WDR41: variants seen among roughly 807,000 people sequenced by gnomAD.
The protein encoded by WDR41 is WD repeat-containing protein 41.
In WDR41, 63 loss-of-function variants were observed where a neutral mutation model predicts 69.3. That is an observed-to-expected ratio of 0.91 (90% CI 0.74 to 1.12). The LOEUF (loss-of-function observed/expected upper bound fraction) is 1.12, where lower values mean the gene tolerates loss of function less well. Ranked by LOEUF, WDR41 falls within the 50% of genes most tolerant of loss-of-function variation. The pLI, the probability that WDR41 is intolerant of heterozygous loss-of-function variation, is 0.00. For synonymous variants in WDR41, 185 were observed against 192.1 expected (o/e 0.96, Z 0.31); for missense variants, 543 against 534.5 (o/e 1.02, Z -0.16).
chr5:77,512,242 C>G (rs909780116), intron 1 of WDR41, among the ~76,000 whole-genome samples: 2 of 151,662 alleles, frequency 1.3e-5, no homozygotes, highest in Non-Finnish European at 2.9e-5. Context: ...TAGGGAGCAG[C>G]CTGGACACAA....
chr5:77,611,663 G>C (rs1744554848), intron 1 of WDR41, among the ~76,000 whole-genome samples: 1 of 152,238 alleles, frequency 6.6e-6, no homozygotes, highest in Non-Finnish European at 1.5e-5. Flanking sequence ...GAAATTTATA[G>C]CACTAAATGC....
intron 1 of WDR41, among the ~76,000 whole-genome samples, chr5:77,551,760 C>T (rs560039823): frequency 6.6e-6 from 1 of 151,378 alleles, no homozygotes; most frequent in South Asian, 2.1e-4. Context: ...GGTGGATCAC[C>T]TGAGGTCAGG....
In WDR41 at chr5:77,430,965, TAGATG is replaced by T. The variant is rs1798699991; in HGVS notation, c.*2165_*2169del. ...CTGTAATCTCATGATCAAACTTTAA[TAGATG>T]AGAAGTTGCTTAAGAATGTGTATAG... On this transcript the variant is annotated 3_prime_UTR_variant, in exon 13 of 13. Transcript: ENST00000296679. 1 of 152,154 alleles carries T rather than the reference TAGATG, an allele frequency of 6.6e-6. No individual in the cohort carries two copies. Among genetic ancestry groups the T allele is most frequent in the African/African-American group, 2.4e-5 (1 of 41,438 alleles). The allele number at this position is 152,154 out of a possible 1,614,324, so 9.4% of individuals were successfully genotyped here. A position where few individuals can be genotyped will look rare whatever the true frequency, so the allele number is the denominator to read the frequency against.
At chr5:77,479,304 C>T (rs978957664) in intron 2 of WDR41, among the ~76,000 whole-genome samples, 4 of 151,810 alleles carry the variant, frequency 2.6e-5, no homozygotes, top group Non-Finnish European at 5.9e-5. Context: ...ACTTTCTTCA[C>T]AGAATTGGAA....
chr5:77,472,957 T>G (rs1414629738), intron 2 of WDR41, among the ~76,000 whole-genome samples: 1 of 152,024 alleles, frequency 6.6e-6, no homozygotes, highest in African/African-American at 2.4e-5. Context: ...CAGCCCGCAT[T>G]GCCAAGTCAG....
chr5:77,517,408 AC>A (rs1476972529), intron 1 of WDR41, among the ~76,000 whole-genome samples: 1 of 152,220 alleles, frequency 6.6e-6, no homozygotes, highest in African/African-American at 2.4e-5. Flanking sequence ...AACAAAAAAA[AC>A]AGATCAGACT....
At position 77,489,394 on chromosome 5, in the gene WDR41, A is replaced by G; in HGVS notation, c.167+63T>C. ...AGATGTATTAATTTTAAAGGTGTTTAACATAAAATTCCCTAAAACCTCTTC... is the reference window on the plus strand; with the variant it reads ...AGATGTATTAATTTTAAAGGTGTTTGACATAAAATTCCCTAAAACCTCTTC... On this transcript the variant is annotated intron_variant, in intron 2 of 12. Coordinates refer to ENST00000296679, the MANE Select transcript of WDR41 (RefSeq NM_018268.4). The G allele has an allele frequency of 4.3e-6, 4 of 932,480 alleles. No individual in the cohort carries two copies. The South Asian group carries it at 7.8e-5, about 18-fold the overall frequency. 57.8% of individuals were successfully genotyped at this position (932,480 alleles called of 1,614,324 possible). A position where few individuals can be genotyped will look rare whatever the true frequency, so the allele number is the denominator to read the frequency against.
At chr5:77,483,429 G>A (rs116701587) in intron 2 of WDR41, among the ~76,000 whole-genome samples, 2,810 of 151,912 alleles carry the variant, frequency 0.018, 66 homozygotes, top group African/African-American at 0.055. Context: ...CTGAGTCACC[G>A]TGCCCAGCCT....
intron 2 of WDR41, among the ~76,000 whole-genome samples, chr5:77,470,191 G>A (rs1358871016): frequency 1.3e-5 from 2 of 151,698 alleles, no homozygotes; most frequent in East Asian, 1.9e-4. Flanking sequence ...CTTCATAAGT[G>A]AAGGAGAAAT....
intron 1 of WDR41, among the ~76,000 whole-genome samples, chr5:77,606,100 G>A (rs1020804939): frequency 1.3e-5 from 2 of 152,134 alleles, no homozygotes; most frequent in Non-Finnish European, 2.9e-5. Context: ...TACCTTCCAA[G>A]CAGAATTCAT....
At position 77,463,096 on chromosome 5, in the gene WDR41, A is replaced by C; in HGVS notation, c.347T>G (p.Ile116Ser). ...CATTTCTTCCAGATTAAAGGATACA[A>C]TAACTGTTCTATCAGCAGAGGCTGT... is the stretch of plus-strand genomic sequence containing the variant. ...ILTASADRTV[I>S]VWDGDTTRQV... is the part of the protein sequence containing the mutation. The change falls in exon 4 of 13, where the codon ATT (isoleucine) becomes AGT (serine). Residue 116 changes from isoleucine to serine, a missense_variant and splice_region_variant. Ile to Ser is a moderately radical substitution (Grantham distance 142, BLOSUM62 -2). Transcript: ENST00000296679. 1 of 1,611,588 alleles carries C rather than the reference A, an allele frequency of 6.2e-7. No homozygotes were observed. The highest frequency in any genetic ancestry group is 8.5e-7 in the Non-Finnish European group (1 of 1,178,984).
At position 77,470,692 on chromosome 5, in the gene WDR41, A is replaced by G. The variant is rs556193659; in HGVS notation, c.168-5883T>C. Reference sequence around the variant, plus strand: ...CAAAAGAGACAAAGAAGGCCATTACATCATGGTAAAGGGATCAATTCACAA... The same window carrying G: ...CAAAAGAGACAAAGAAGGCCATTACGTCATGGTAAAGGGATCAATTCACAA... On this transcript the variant is annotated intron_variant, in intron 2 of 12. Transcript: ENST00000296679. Among the ~76,000 whole-genome samples the G allele has an allele frequency of 3.9e-5, 6 of 152,348 alleles. No homozygotes were observed. The East Asian group carries it at 1.2e-3, about 29-fold the overall frequency.
chr5:77,511,021 T>G (rs1204461434), intron 1 of WDR41, among the ~76,000 whole-genome samples: 1 of 152,152 alleles, frequency 6.6e-6, no homozygotes, highest in Non-Finnish European at 1.5e-5. Context: ...CCTCCCAAAG[T>G]GCTGGGGTTA....
upstream of WDR41, among the ~76,000 whole-genome samples, chr5:77,493,200 A>C (rs1801880513): frequency 6.6e-6 from 1 of 152,208 alleles, no homozygotes; most frequent in African/African-American, 2.4e-5. Context: ...GATTCTGATG[A>C]GTAGCAAGGT....
intron 2 of WDR41, among the ~76,000 whole-genome samples, chr5:77,485,569 G>A (rs762607981): frequency 6.6e-6 from 1 of 152,102 alleles, no homozygotes; most frequent in Non-Finnish European, 1.5e-5. Flanking sequence ...GGTCAAATGA[G>A]CAACGGAGAA....
chr5:77,562,041 T>C (rs932514950), intron 1 of WDR41, among the ~76,000 whole-genome samples: 22 of 152,316 alleles, frequency 1.4e-4, no homozygotes, highest in Non-Finnish European at 2.8e-4. Flanking sequence ...TTGTCACCTA[T>C]TGTAAGTTGT....
In WDR41 at chr5:77,492,251, G is replaced by T; in HGVS notation, c.-31C>A. On this transcript the variant is annotated 5_prime_UTR_variant, in exon 1 of 13. The change creates a new upstream start codon in the 5' untranslated region. Coordinates refer to ENST00000296679, the MANE Select transcript of WDR41 (RefSeq NM_018268.4). ...CAGCGGCGGCGTCTTGCCCGGTCCAGCCCCAGTCAGCCCAAACTCCGCCCC... is the reference window on the plus strand; with the variant it reads ...CAGCGGCGGCGTCTTGCCCGGTCCATCCCCAGTCAGCCCAAACTCCGCCCC... The T allele has an allele frequency of 6.2e-7, 1 of 1,610,620 alleles. No homozygotes were observed.
At chr5:77,536,886 A>T (rs1327436352) in intron 1 of WDR41, among the ~76,000 whole-genome samples, 1 of 152,208 alleles carries the variant, frequency 6.6e-6, no homozygotes, top group Admixed American at 6.5e-5. Context: ...ATGGATGACT[A>T]TAGTTCAGAA....
At chr5:77,561,172 T>C (rs1377663882) in intron 1 of WDR41, among the ~76,000 whole-genome samples, 1 of 152,188 alleles carries the variant, frequency 6.6e-6, no homozygotes, top group Non-Finnish European at 1.5e-5. Context: ...AGTTATTTCA[T>C]CAAAAGTAGA....
Sources: allele counts gnomAD v4.1 joint callset (sites outside exome capture counted in the v4.1 genomes callset), GRCh38; gene constraint gnomAD v4.1.1; transcripts MANE v1.5; gene names NCBI Gene and HGNC (gene_info 2026-07-23, HGNC 2026-07-21).